The following PJA2 variants were observed in gnomAD, a reference collection of about 807,000 sequenced individuals.
PJA2 encodes praja ring finger ubiquitin ligase 2, also known as E3 ubiquitin-protein ligase Praja-2.
A neutral mutation model predicts 69.3 loss-of-function variants in PJA2; 25 were observed. The ratio of observed to expected loss-of-function variants is 0.36; its 90% confidence interval spans 0.26 to 0.50. The LOEUF is 0.50. PJA2 is among the 20% of genes least tolerant of loss of function. The pLI is 0.96. For missense variants in PJA2, 809 were observed against 830.2 expected, an observed-to-expected ratio of 0.97 and a Z score of 0.31; for synonymous variants, 308 against 277.8, an observed-to-expected ratio of 1.11 and a Z score of -1.08.
Position 109,379,078 on chromosome 5 carries a change from T to G in PJA2, c.409A>C (p.Asn137His). 6.2e-7 allele frequency: 1 copy of G among 1,614,108 alleles called. No homozygotes were observed. Among genetic ancestry groups the G allele is most frequent in the South Asian group, 1.1e-5 (1 of 91,066 alleles). Residue 137 changes from asparagine to histidine, a missense_variant, in exon 4 of 10, where the codon AAT becomes CAT. Around this residue, in one of 4 missense-constraint regions of PJA2, gnomAD observed 700 missense variants for 639.5 expected, o/e 1.09. Coordinates refer to ENST00000361189, the MANE Select transcript of PJA2 (RefSeq NM_014819.5). ...EGRDTLGSST[N>H]LHNHSEGEYI... ...TCTCCCTCAGAGTGATTATGAAGAT[T>G]TGTACTGCTTCCTAAGGTATCCCTG...
rs981589229 is a variant in PJA2 at position 109,338,501 on chromosome 5, G to A, written c.2002-1145C>T. Among the ~76,000 whole-genome samples the A allele has an allele frequency of 5.9e-5, 9 of 151,980 alleles. No individual in the cohort carries two copies. In the East Asian group the frequency reaches 1.5e-3, roughly 26 times the overall value. ...CTAAAATACAAAAAATTAGCTGAGC[G>A]TTGCAGCATGCGCCTTTAGTCCCAG... On this transcript the variant is annotated intron_variant, in intron 9 of 9. Transcript: ENST00000361189.
At chr5:109,360,944 A>G (rs1390584607) in intron 6 of PJA2, among the ~76,000 whole-genome samples, 1 of 152,168 alleles carries the variant, frequency 6.6e-6, no homozygotes, top group African/African-American at 2.4e-5. Flanking sequence ...CCCGGGCAAC[A>G]TGGTGAAACC....
intron 1 of PJA2, among the ~76,000 whole-genome samples, chr5:109,408,236 AC>A (rs139665276): frequency 0.03 from 4,612 of 152,308 alleles, 90 homozygotes; most frequent in Middle Eastern, 0.048. Flanking sequence ...ATTCTTCCAT[AC>A]TGTTTAATTT....
chr5:109,405,095 G>A (rs571815245), intron 1 of PJA2, among the ~76,000 whole-genome samples: 1 of 152,316 alleles, frequency 6.6e-6, no homozygotes, highest in African/African-American at 2.4e-5. Context: ...TAGCAAGGTT[G>A]CAAGCATCAA....
At position 109,337,304 on chromosome 5, in the gene PJA2, G is replaced by A; in HGVS notation, c.2054C>T (p.Ala685Val). The change falls in exon 10 of 10, where the codon GCA (alanine) becomes GTA (valine). Residue 685 changes from alanine (A) to valine (V), a missense_variant. Transcript: ENST00000361189. The stretch of plus-strand genomic sequence containing the variant: ...AGGCTCAGAGGAAGGAGCTGCAGAT[G>A]CTTCAATAACCGCAGGTGGGAAATG... ...RRHFPPAVIE[A>V]SAAPSSEPDP... is the part of the protein sequence containing the mutation. The A allele has an allele frequency of 1.2e-6, 2 of 1,613,436 alleles. No homozygotes were observed. The highest frequency in any genetic ancestry group is 1.7e-6 in the Non-Finnish European group (2 of 1,179,802).
chr5:109,363,757 C>T (rs922499525), intron 5 of PJA2, among the ~76,000 whole-genome samples: 5 of 152,014 alleles, frequency 3.3e-5, no homozygotes, highest in African/African-American at 1.2e-4. Flanking sequence ...TCTACTCCTA[C>T]TAGAAACTAA....
intron 7 of PJA2, among the ~76,000 whole-genome samples, chr5:109,345,374 G>A (rs1762155946): frequency 6.7e-6 from 1 of 150,368 alleles, no homozygotes; most frequent in African/African-American, 2.4e-5. Flanking sequence ...AAAAAAAGCA[G>A]GTCGTGGTAG....
chr5:109,377,902 A>C (rs886420560), intron 4 of PJA2, among the ~76,000 whole-genome samples: 1 of 152,164 alleles, frequency 6.6e-6, no homozygotes, highest in East Asian at 1.9e-4. Context: ...AAAATACAAC[A>C]AATGTTTATT....
intron 1 of PJA2, among the ~76,000 whole-genome samples, chr5:109,394,037 C>CTCT (rs569424960): frequency 8.9e-6 from 1 of 112,136 alleles, no homozygotes; most frequent in East Asian, 2.3e-4. Flanking sequence ...CATTCTAATT[C>CTCT]TCTTTTTTTT....
At chr5:109,343,028 G>C (rs1036998742) in intron 9 of PJA2, among the ~76,000 whole-genome samples, 1 of 102,824 alleles carries the variant, frequency 9.7e-6, no homozygotes, top group African/African-American at 4.1e-5. Context: ...CATTGAGAAC[G>C]GGCCAGGATG....
chr5:109,352,525 G>T (rs530693806), intron 7 of PJA2, among the ~76,000 whole-genome samples: 12 of 152,190 alleles, frequency 7.9e-5, no homozygotes, highest in Non-Finnish European at 1.0e-4. Flanking sequence ...AATTTGCCAA[G>T]GCAGGTTAAA....
At chr5:109,345,971 G>A (rs570897716) in intron 7 of PJA2, among the ~76,000 whole-genome samples, 2 of 152,238 alleles carry the variant, frequency 1.3e-5, no homozygotes, top group East Asian at 3.9e-4. Context: ...CTTTTTGTCT[G>A]CAACCTGTAC....
intron 7 of PJA2, among the ~76,000 whole-genome samples, chr5:109,347,797 T>A (rs765635916): frequency 6.6e-6 from 1 of 152,224 alleles, no homozygotes; most frequent in Non-Finnish European, 1.5e-5. Flanking sequence ...TAATCCTATA[T>A]TCTTTAGAGT....
At position 109,378,941 on chromosome 5, in the gene PJA2, T is replaced by C. The variant is rs1157864526; in HGVS notation, c.546A>G (p.Gln182=). ...GKHGEDNDHL[Q]LSAEVVEGSR... is the part of the protein sequence containing the mutation. ...TACCTTCCACGACTTCTGCAGAAAG[T>C]TGAAGATGGTCATTATCTTCTCCAT... is the stretch of plus-strand genomic sequence containing the variant. The change falls in exon 4 of 10, where the codon CAA becomes CAG. Residue 182 remains glutamine (Q), a synonymous_variant. Coordinates refer to ENST00000361189, the MANE Select transcript of PJA2 (RefSeq NM_014819.5). 4 of 1,614,130 alleles carry C rather than the reference T, an allele frequency of 2.5e-6. No individual in the cohort carries two copies. The Admixed American group carries it at 5.0e-5, about 20-fold the overall frequency.
rs146315519 is a variant in PJA2 at position 109,385,896 on chromosome 5, TAC to T, written c.-87-2378_-87-2377del. On this transcript the variant is annotated intron_variant, in intron 1 of 9. Transcript: ENST00000361189. ...AAATTCACTTGTTTCCTACACATCT[TAC>T]ACACACAGTCTGAAAGTAATTTTAT... 5.2e-3 allele frequency among the ~76,000 whole-genome samples: 785 copies of T among 152,322 alleles called. 4 individuals are homozygous for T. Among genetic ancestry groups the T allele is most frequent in the Non-Finnish European group, 5.9e-3 (399 of 68,038 alleles).
intron 9 of PJA2, among the ~76,000 whole-genome samples, chr5:109,342,190 G>A (rs2126985380): frequency 1.1e-5 from 1 of 89,272 alleles, no homozygotes; most frequent in South Asian, 4.2e-4. Flanking sequence ...CCGTCCGGGA[G>A]GGAGGTGGGG....
At chr5:109,339,255 T>C (rs1761997884) in intron 9 of PJA2, among the ~76,000 whole-genome samples, 1 of 152,190 alleles carries the variant, frequency 6.6e-6, no homozygotes, top group Non-Finnish European at 1.5e-5. Flanking sequence ...ATGCCTTTAA[T>C]GATGGCATGA....
chr5:109,337,500 A>C, intron 9 of PJA2, 144 bp from the exon 10 acceptor site: 1 of 917,872 alleles, frequency 1.1e-6, no homozygotes, highest in Middle Eastern at 2.7e-4. Flanking sequence ...CAATGCAGAA[A>C]GACATAATTT....
At chr5:109,402,873 A>C (rs550723778) in intron 1 of PJA2, among the ~76,000 whole-genome samples, 1 of 152,288 alleles carries the variant, frequency 6.6e-6, no homozygotes, top group Non-Finnish European at 1.5e-5. Context: ...AAGTGACATA[A>C]GAACTTTAAA....
Sources: allele counts gnomAD v4.1 joint callset (sites outside exome capture counted in the v4.1 genomes callset), GRCh38; gene constraint gnomAD v4.1.1; regional missense constraint gnomAD v4.1.1; transcripts MANE v1.5; gene names NCBI Gene and HGNC (gene_info 2026-07-23, HGNC 2026-07-21).